TTC28: variants seen among roughly 807,000 people sequenced by gnomAD.
TTC28 encodes the protein tetratricopeptide repeat protein 28.
TTC28 carries 61 observed loss-of-function variants against 198.0 expected under a neutral mutation model. The observed-to-expected ratio is 0.31, with a 90% CI of 0.25 to 0.38. The LOEUF is 0.38. Among genes scored for constraint, TTC28 ranks in the 10% least tolerant of loss-of-function variants. The probability of loss-of-function intolerance (pLI) is 1.00; values close to 1 mark genes in which losing one functional copy is unlikely to be tolerated. For missense variants in TTC28, 2,678 were observed against 3,164.0 expected (o/e 0.85, Z 3.69); for synonymous variants, 1,171 against 1,297.8 (o/e 0.90, Z 2.10).
chr22:28,123,248 TTTTG>T (rs571873472), intron 6 of TTC28, among the ~76,000 whole-genome samples: 63 of 151,692 alleles, frequency 4.2e-4, no homozygotes, highest in Admixed American at 1.9e-3. Context: ...AGGTTTTTTT[TTTTG>T]TTTGTTTGTT....
chr22:27,985,580 G>A (rs536693905), intron 21 of TTC28: 10 of 428,608 alleles, frequency 2.3e-5, no homozygotes, highest in Non-Finnish European at 3.5e-5. Flanking sequence ...CCCATTTGGC[G>A]TGTGTGTGGC....
chr22:28,161,473 C>T (rs1295868825), intron 6 of TTC28, among the ~76,000 whole-genome samples: 1 of 152,080 alleles, frequency 6.6e-6, no homozygotes, highest in Non-Finnish European at 1.5e-5. Context: ...CATAGTGAGA[C>T]CATGACTCTA....
chr22:28,206,267 T>A (rs1926397298), intron 5 of TTC28, among the ~76,000 whole-genome samples: 1 of 152,164 alleles, frequency 6.6e-6, no homozygotes, highest in African/African-American at 2.4e-5. Context: ...AAGGTTGTGG[T>A]TAACAAATGC....
chr22:28,036,093 G>C (rs1226631268), intron 12 of TTC28, among the ~76,000 whole-genome samples: 1 of 152,106 alleles, frequency 6.6e-6, no homozygotes, highest in African/African-American at 2.4e-5. Context: ...GAGACAGAAG[G>C]TTAACAAGGA....
chr22:28,161,029 A>G (rs1271191959), intron 6 of TTC28, among the ~76,000 whole-genome samples: 2 of 152,220 alleles, frequency 1.3e-5, no homozygotes, highest in African/African-American at 4.8e-5. Context: ...CTTCTAACTC[A>G]GCCATGAAGA....
intron 2 of TTC28, among the ~76,000 whole-genome samples, chr22:28,570,835 C>T (rs924234479): frequency 2.0e-5 from 3 of 152,000 alleles, no homozygotes; most frequent in Admixed American, 2.0e-4. Flanking sequence ...GCCTTGTTGC[C>T]TCGAAAGATC....
In TTC28 at chr22:28,622,660, T is replaced by C. The variant is rs138330450; in HGVS notation, c.381+6892A>G. ...GAAAAAAGTCCAATTTTGGCAGAAATTGACAAGCTTGATTTAAAAAGCAAG... is the reference window on the plus strand; with the variant it reads ...GAAAAAAGTCCAATTTTGGCAGAAACTGACAAGCTTGATTTAAAAAGCAAG... On this transcript the variant is annotated intron_variant, in intron 2 of 22. Transcript: ENST00000397906. 1.0e-3 allele frequency among the ~76,000 whole-genome samples: 154 copies of C among 152,154 alleles called. 1 individual carries two copies. The highest frequency in any genetic ancestry group is 2.5e-3 in the African/African-American group (105 of 41,518).
intron 2 of TTC28, among the ~76,000 whole-genome samples, chr22:28,492,764 T>C (rs1247763137): frequency 6.6e-6 from 1 of 152,168 alleles, no homozygotes; most frequent in Non-Finnish European, 1.5e-5. Flanking sequence ...AAGAATCAAT[T>C]AGCCCTTAGC....
intron 2 of TTC28, among the ~76,000 whole-genome samples, chr22:28,392,890 T>TTC (rs2046755541): frequency 6.8e-6 from 1 of 147,788 alleles, no homozygotes; most frequent in Non-Finnish European, 1.5e-5. Flanking sequence ...TTTTTTTTTT[T>TTC]TTTGAGACAG....
intron 11 of TTC28, among the ~76,000 whole-genome samples, chr22:28,094,993 A>T (rs561552847): frequency 2.0e-5 from 3 of 152,348 alleles, no homozygotes; most frequent in African/African-American, 7.2e-5. Context: ...AAGCCTCATT[A>T]TACATGGCTC....
intron 2 of TTC28, among the ~76,000 whole-genome samples, chr22:28,456,579 A>G (rs1425642736): frequency 1.3e-5 from 2 of 151,822 alleles, no homozygotes; most frequent in Non-Finnish European, 2.9e-5. Flanking sequence ...TTTCTCTCAT[A>G]ATTTTTTTTT....
At chr22:28,037,681 G>C (rs1439999968) in intron 12 of TTC28, among the ~76,000 whole-genome samples, 1 of 152,204 alleles carries the variant, frequency 6.6e-6, no homozygotes, top group East Asian at 1.9e-4. Flanking sequence ...AATCAGGCAG[G>C]AGAAGGAAAT....
intron 2 of TTC28, among the ~76,000 whole-genome samples, chr22:28,433,079 G>A (rs2146206293): frequency 1.3e-5 from 2 of 152,246 alleles, no homozygotes; most frequent in South Asian, 4.2e-4. Flanking sequence ...CTTGCTGGAT[G>A]ACTGGCCAGC....
chr22:28,501,619 C>T (rs762927800), intron 2 of TTC28, among the ~76,000 whole-genome samples: 1 of 152,150 alleles, frequency 6.6e-6, no homozygotes, highest in African/African-American at 2.4e-5. Flanking sequence ...CCAACTTATT[C>T]ATTACACATT....
intron 2 of TTC28, among the ~76,000 whole-genome samples, chr22:28,409,539 A>G (rs998051574): frequency 1.3e-5 from 2 of 150,502 alleles, no homozygotes; most frequent in Admixed American, 1.3e-4. Context: ...TATATATTAT[A>G]TATACATATG....
chr22:28,130,742 T>C (rs1357204644), intron 6 of TTC28, among the ~76,000 whole-genome samples: 2 of 152,240 alleles, frequency 1.3e-5, no homozygotes, highest in Non-Finnish European at 2.9e-5. Context: ...ATCACCTCAA[T>C]TGTTGATCAC....
chr22:28,094,318 C>A, intron 11 of TTC28, 73 bp from the exon 12 acceptor site: 1 of 1,410,782 alleles, frequency 7.1e-7, no homozygotes, highest in South Asian at 1.6e-5. Context: ...AGGCAGGGGA[C>A]AGGAATGCCA....
In TTC28 at chr22:28,463,238, T is replaced by C. The variant is rs544304643; in HGVS notation, c.382-156595A>G. 5.3e-5 allele frequency among the ~76,000 whole-genome samples: 8 copies of C among 152,352 alleles called. No individual in the cohort carries two copies. The South Asian group carries it at 8.3e-4, about 16-fold the overall frequency. On this transcript the variant is annotated intron_variant, in intron 2 of 22. Coordinates refer to ENST00000397906, the MANE Select transcript of TTC28 (RefSeq NM_001145418.2). The stretch of plus-strand genomic sequence containing the variant: ...GCGTGATGCCTCCAGCTTTGTTCTT[T>C]TGGCTTAGGATTGACTTGGCAATGC...
chr22:28,163,276 A>G lies in TTC28; in HGVS notation c.1257T>C (p.Tyr419=). The G allele has an allele frequency of 1.3e-6, 2 of 1,551,876 alleles. No individual in the cohort carries two copies. The highest frequency in any genetic ancestry group is 1.7e-6 in the Non-Finnish European group (2 of 1,147,036). The change falls in exon 6 of 23, where the codon TAT becomes TAC. Residue 419 remains tyrosine, a synonymous_variant. Coordinates refer to ENST00000397906, the MANE Select transcript of TTC28 (RefSeq NM_001145418.2). ...TCAACTCCTGTGCCAGCTCCAGGAC[A>G]TAGTTATGGTAAGACATGGCCTTGT... is the stretch of plus-strand genomic sequence containing the variant. ...NFDKAMSYHN[Y]VLELAQELME... is the part of the protein sequence containing the mutation.
Sources: gnomAD v4.1 joint callset for allele counts (sites outside exome capture counted in the v4.1 genomes callset) on GRCh38, gnomAD v4.1.1 for gene constraint, MANE v1.5 for transcripts, NCBI Gene and HGNC (gene_info 2026-07-23, HGNC 2026-07-21) for gene names.